PPP1R14C: variants seen among roughly 807,000 people sequenced by gnomAD.
PPP1R14C encodes the protein protein phosphatase 1 regulatory subunit 14C.
PPP1R14C carries 16 observed loss-of-function variants against 20.4 expected under a neutral mutation model. The ratio of observed to expected loss-of-function variants is 0.78; its 90% CI spans 0.53 to 1.19. PPP1R14C has a LOEUF of 1.19. Ranked by LOEUF, PPP1R14C falls within the 50% of genes most tolerant of loss-of-function variation. The pLI, the probability that PPP1R14C is intolerant of heterozygous loss-of-function variation, is 0.00. For synonymous variants in PPP1R14C, 91 were observed against 91.0 expected, an observed-to-expected ratio of 1.00 and a Z score of 0.00; for missense variants, 211 against 220.1, an observed-to-expected ratio of 0.96 and a Z score of 0.26.
chr6:150,182,202 A>G (rs1353064329), intron 1 of PPP1R14C, among the ~76,000 whole-genome samples: 1 of 152,212 alleles, frequency 6.6e-6, no homozygotes, highest in Admixed American at 6.5e-5. Flanking sequence ...TGCACTCTGT[A>G]TCCAGACCTG....
intron 1 of PPP1R14C, among the ~76,000 whole-genome samples, chr6:150,153,600 C>A (rs1777274573): frequency 6.6e-6 from 1 of 152,222 alleles, no homozygotes; most frequent in Non-Finnish European, 1.5e-5. Flanking sequence ...CAAGTCTTCA[C>A]AGAACAAGAA....
intron 3 of PPP1R14C, among the ~76,000 whole-genome samples, chr6:150,231,200 G>A (rs1415775864): frequency 1.3e-5 from 2 of 152,174 alleles, no homozygotes; most frequent in African/African-American, 4.8e-5. Context: ...CATCCCCTCC[G>A]AAACGTGTTT....
At position 150,194,430 on chromosome 6, in the gene PPP1R14C, A is replaced by G. The variant is rs1050389090; in HGVS notation, c.307-20314A>G. On this transcript the variant is annotated intron_variant, in intron 1 of 3. Transcript: ENST00000361131. ...GTCTCTTGAGAGTATGTACAAAATG[A>G]TACTGTAAACAGGATTTTAAGTGGC... 3.1e-6 allele frequency: 3 copies of G among 982,986 alleles called. No homozygotes were observed. The African/African-American group carries it at 5.2e-5, about 17-fold the overall frequency. The allele number at this position is 982,986 out of a possible 1,614,324, so 60.9% of individuals were successfully genotyped here. A position where few individuals can be genotyped will look rare whatever the true frequency, so the allele number is the denominator to read the frequency against.
At chr6:150,204,866 C>A (rs542319313) in intron 1 of PPP1R14C, among the ~76,000 whole-genome samples, 1 of 152,136 alleles carries the variant, frequency 6.6e-6, no homozygotes, top group Non-Finnish European at 1.5e-5. Context: ...AGGCTTCAGT[C>A]GCTTTCTTCC....
chr6:150,250,282 A>T lies in PPP1R14C; in HGVS notation c.*1462A>T, dbSNP rs921172295. ...TTGCGTATACTGGCAAGCTTTTGAA[A>T]ATGTATTTAATTTTGTATTGTTTAC... On this transcript the variant is annotated 3_prime_UTR_variant, in exon 4 of 4. Coordinates refer to ENST00000361131, the MANE Select transcript of PPP1R14C (RefSeq NM_030949.3). 4.6e-5 allele frequency: 7 copies of T among 152,760 alleles called. No individual in the cohort carries two copies. Among genetic ancestry groups the T allele is most frequent in the African/African-American group, 1.7e-4 (7 of 41,576 alleles). The allele number at this position is 152,760 out of a possible 1,614,324, so 9.5% of individuals were successfully genotyped here.
intron 1 of PPP1R14C, among the ~76,000 whole-genome samples, chr6:150,187,479 T>A (rs1194409788): frequency 6.6e-6 from 1 of 152,114 alleles, no homozygotes; most frequent in Non-Finnish European, 1.5e-5. Context: ...GGCCCTAGTG[T>A]GTGTTGTTCT....
chr6:150,194,578 A>G, intron 1 of PPP1R14C: 1 of 978,788 alleles, frequency 1.0e-6, no homozygotes, highest in East Asian at 1.1e-4. Flanking sequence ...GGATGCAAAA[A>G]TGATTAAATA....
chr6:150,210,433 A>G (rs1251793997), intron 1 of PPP1R14C, among the ~76,000 whole-genome samples: 2 of 152,194 alleles, frequency 1.3e-5, no homozygotes, highest in African/African-American at 4.8e-5. Context: ...TGCCAGGATC[A>G]TCTTCAAGCC....
At chr6:150,157,776 G>A (rs1777320803) in intron 1 of PPP1R14C, among the ~76,000 whole-genome samples, 1 of 152,218 alleles carries the variant, frequency 6.6e-6, no homozygotes, top group African/African-American at 2.4e-5. Context: ...AGTCTCACAA[G>A]AGCAAGAACT....
At chr6:150,215,414 T>C (rs1425755985) in intron 2 of PPP1R14C, among the ~76,000 whole-genome samples, 1 of 152,222 alleles carries the variant, frequency 6.6e-6, no homozygotes, top group Non-Finnish European at 1.5e-5. Flanking sequence ...GTCAAATCTA[T>C]CATTTTTAAA....
chr6:150,184,557 C>T lies in PPP1R14C; in HGVS notation c.307-30187C>T, dbSNP rs62440057. Among the ~76,000 whole-genome samples the T allele has an allele frequency of 5.3e-5, 8 of 152,042 alleles. No individual in the cohort carries two copies. The East Asian group carries it at 1.5e-3, about 29-fold the overall frequency. ...GTCCCCTCCCCCACCCCATCCTCTT[C>T]ATGGCCACATGTTGTGTTTTGTCGT... On this transcript the variant is annotated intron_variant, in intron 1 of 3. Coordinates refer to ENST00000361131, the MANE Select transcript of PPP1R14C (RefSeq NM_030949.3).
At chr6:150,168,507 T>C (rs1363939149) in intron 1 of PPP1R14C, among the ~76,000 whole-genome samples, 1 of 139,058 alleles carries the variant, frequency 7.2e-6, no homozygotes, top group Non-Finnish European at 1.6e-5. Flanking sequence ...CACTCCAGCC[T>C]GGGCGAAAGA....
chr6:150,223,726 G>T (rs181492131), intron 3 of PPP1R14C, among the ~76,000 whole-genome samples: 285 of 151,948 alleles, frequency 1.9e-3, no homozygotes, highest in Admixed American at 5.2e-3. Flanking sequence ...GAATTTTAAG[G>T]GTTCTTTGAA....
At chr6:150,166,226 G>A (rs1777420676) in intron 1 of PPP1R14C, among the ~76,000 whole-genome samples, 1 of 151,926 alleles carries the variant, frequency 6.6e-6, no homozygotes, top group South Asian at 2.1e-4. Context: ...GATTACAGGC[G>A]CCCGCTACCA....
chr6:150,207,383 G>T (rs933198564), intron 1 of PPP1R14C, among the ~76,000 whole-genome samples: 1 of 152,254 alleles, frequency 6.6e-6, no homozygotes, highest in East Asian at 1.9e-4. Context: ...CTGGCCACCT[G>T]TGCAGATGGG....
chr6:150,199,774 CAGGAGGA>C (rs1777853843), intron 1 of PPP1R14C, among the ~76,000 whole-genome samples: 1 of 151,606 alleles, frequency 6.6e-6, no homozygotes, highest in Non-Finnish European at 1.5e-5. Flanking sequence ...TAGGTTGAGG[CAGGAGGA>C]TCGCTGGAGC....
Position 150,149,066 on chromosome 6 carries a change from G to GA in PPP1R14C, c.306+5578dup, listed in dbSNP as rs1033223838. Among the ~76,000 whole-genome samples the GA allele has an allele frequency of 6.3e-4, 91 of 144,490 alleles. 1 individual carries two copies. The highest frequency in any genetic ancestry group is 1.5e-3 in the African/African-American group (57 of 39,230). 94.8% of individuals were successfully genotyped at this position (144,490 alleles called of 152,430 possible). On this transcript the variant is annotated intron_variant, in intron 1 of 3. Coordinates refer to ENST00000361131, the MANE Select transcript of PPP1R14C (RefSeq NM_030949.3). ...GGCAACAGCCTGCCTCAAATAAAAA[G>GA]AAAAAAAAAAGTCAGTAGATAAAAG...
intron 1 of PPP1R14C, among the ~76,000 whole-genome samples, chr6:150,148,605 T>C (rs1291459285): frequency 6.6e-6 from 1 of 152,214 alleles, no homozygotes; most frequent in African/African-American, 2.4e-5. Context: ...CCGGCTTTGC[T>C]ACTTTATTAG....
At chr6:150,200,861 A>G (rs958165124) in intron 1 of PPP1R14C, among the ~76,000 whole-genome samples, 2 of 152,088 alleles carry the variant, frequency 1.3e-5, no homozygotes, top group African/African-American at 4.8e-5. Flanking sequence ...CTAAGTTTCC[A>G]TGGAGTTTCC....
Sources: allele counts gnomAD v4.1 joint callset (sites outside exome capture counted in the v4.1 genomes callset), GRCh38; gene constraint gnomAD v4.1.1; transcripts MANE v1.5; gene names NCBI Gene and HGNC (gene_info 2026-07-23, HGNC 2026-07-21).